SIPA1L1: variants seen among roughly 807,000 people sequenced by gnomAD.
SIPA1L1 encodes the protein signal-induced proliferation-associated 1-like protein 1.
A neutral mutation model predicts 162.7 loss-of-function variants in SIPA1L1; 26 were observed. The ratio of observed to expected loss-of-function variants is 0.16; its 90% CI spans 0.12 to 0.22. SIPA1L1 has a LOEUF of 0.22. Ranked by LOEUF, SIPA1L1 falls within the 10% of genes least tolerant of loss-of-function variation. The probability of loss-of-function intolerance (pLI) is 1.00; values close to 1 mark genes in which losing one functional copy is unlikely to be tolerated. For synonymous variants in SIPA1L1, 829 were observed against 837.4 expected (o/e 0.99, Z 0.17); for missense variants, 1,874 against 2,241.0 (o/e 0.84, Z 3.31).
intron 17 of SIPA1L1, among the ~76,000 whole-genome samples, chr14:71,717,906 A>T (rs1207681328): frequency 1.3e-5 from 2 of 152,222 alleles, no homozygotes; most frequent in Non-Finnish European, 2.9e-5. Context: ...GCTCTGGAAG[A>T]TCTAACACAA....
At chr14:71,596,809 T>C (rs1435172146) in intron 5 of SIPA1L1, among the ~76,000 whole-genome samples, 1 of 152,206 alleles carries the variant, frequency 6.6e-6, no homozygotes, top group Non-Finnish European at 1.5e-5. Context: ...CCTGGACTTA[T>C]CTTCCCTTTT....
chr14:71,577,571 G>A (rs2033261060), intron 4 of SIPA1L1, among the ~76,000 whole-genome samples: 1 of 151,882 alleles, frequency 6.6e-6, no homozygotes, highest in African/African-American at 2.4e-5. Context: ...TAGAGGTGGG[G>A]TTTCACCATG....
rs1595982413 is a variant in SIPA1L1 at position 71,540,641 on chromosome 14, TACAGTG to T, written c.-303+11275_-303+11280del. On this transcript the variant is annotated intron_variant, in intron 4 of 23. Transcript: ENST00000381232. ...TGTCTTTGCTGAATGAGAAAAAGAA[TACAGTG>T]ACAAGGGAAGCAGTTTCACTGCTGA... Among the ~76,000 whole-genome samples, 4 of 152,338 alleles carry T rather than the reference TACAGTG, an allele frequency of 2.6e-5. No individual in the cohort carries two copies. In the East Asian group the frequency reaches 7.7e-4, roughly 29 times the overall value.
chr14:71,668,875 A>T (rs1027689889), intron 10 of SIPA1L1, among the ~76,000 whole-genome samples: 1 of 152,228 alleles, frequency 6.6e-6, no homozygotes, highest in Admixed American at 6.5e-5. Context: ...TAAAAATACC[A>T]AGAACCGTTT....
chr14:71,706,074 T>C (rs1056730436), intron 16 of SIPA1L1, among the ~76,000 whole-genome samples: 1 of 152,152 alleles, frequency 6.6e-6, no homozygotes, highest in African/African-American at 2.4e-5. Flanking sequence ...ACTAGTTCAC[T>C]ATGGAAGATG....
rs373961399 is a variant in SIPA1L1 at position 71,671,478 on chromosome 14, T to G, written c.2615T>G (p.Met872Arg). ...CGGGCTGAAGACTACAACAAGGCCATGGAACTAGACTGCCTTTTAGGGATC... is the reference window on the plus strand; with the variant it reads ...CGGGCTGAAGACTACAACAAGGCCAGGGAACTAGACTGCCTTTTAGGGATC... ...AVRAEDYNKA[M>R]ELDCLLGISN... The change falls in exon 11 of 24, where the codon ATG becomes AGG. Residue 872 changes from methionine (M) to arginine (R), a missense_variant. Transcript: ENST00000381232. The G allele has an allele frequency of 5.0e-6, 8 of 1,614,022 alleles. No homozygotes were observed. In the African/African-American group the frequency reaches 1.1e-4, roughly 22 times the overall value.
intron 17 of SIPA1L1, among the ~76,000 whole-genome samples, chr14:71,717,450 C>CA (rs1216529414): frequency 6.6e-6 from 1 of 152,174 alleles, no homozygotes; most frequent in African/African-American, 2.4e-5. Flanking sequence ...TAACATATTG[C>CA]AGTTATTATT....
intron 8 of SIPA1L1, among the ~76,000 whole-genome samples, chr14:71,657,622 G>A (rs922643617): frequency 1.3e-5 from 2 of 150,988 alleles, no homozygotes; most frequent in African/African-American, 4.9e-5. Flanking sequence ...ATTGTTAGAC[G>A]TTGCTGTGTC....
At position 71,671,128 on chromosome 14, in the gene SIPA1L1, T is replaced by C. The variant is rs769735235; in HGVS notation, c.2265T>C (p.Val755=). The part of the protein sequence containing the change: ...CSDSVCYSVA[V]TRSRDVPSFG... ...GATCTTTGTCTCTCAGTGTGGCTGT[T>C]ACCAGGTCCAGAGATGTGCCTTCCT... The change falls in exon 11 of 24, where the codon GTT becomes GTC. Residue 755 remains valine (V), a synonymous_variant. Coordinates refer to ENST00000381232, the MANE Select transcript of SIPA1L1 (RefSeq NM_001386936.1). 12 of 1,600,374 alleles carry C rather than the reference T, an allele frequency of 7.5e-6. No individual in the cohort carries two copies. Among genetic ancestry groups the C allele is most frequent in the Non-Finnish European group, 8.5e-7 (1 of 1,171,706 alleles).
chr14:71,359,568 TAATA>T (rs1309739853), intron 2 of SIPA1L1, among the ~76,000 whole-genome samples: 1 of 152,180 alleles, frequency 6.6e-6, no homozygotes, highest in Non-Finnish European at 1.5e-5. Flanking sequence ...ACATAGTAGA[TAATA>T]AATGTGTTGA....
intron 2 of SIPA1L1, among the ~76,000 whole-genome samples, chr14:71,446,635 A>C (rs2045363703): frequency 6.6e-6 from 1 of 152,190 alleles, no homozygotes; most frequent in African/African-American, 2.4e-5. Flanking sequence ...CACTTGTTAC[A>C]AATCAGTCTT....
Position 71,588,097 on chromosome 14 carries a change from G to A in SIPA1L1, c.225G>A (p.Gly75=). 1 of 1,614,108 alleles carries A rather than the reference G, an allele frequency of 6.2e-7. No homozygotes were observed. Among genetic ancestry groups the A allele is most frequent in the Non-Finnish European group, 8.5e-7 (1 of 1,179,994 alleles). ...ITSTPGVPKM[G]VRARIADWPP... ...CAACCCCCGGAGTCCCAAAAATGGG[G>A]GTAAGGGCAAGGATTGCAGATTGGC... The change falls in exon 5 of 24, where the codon GGG becomes GGA. Residue 75 remains glycine (G), a synonymous_variant. Coordinates refer to ENST00000381232, the MANE Select transcript of SIPA1L1 (RefSeq NM_001386936.1). The surrounding 1 kb of genome is among the most constrained non-coding windows in gnomAD (Gnocchi z 4.3).
At position 71,674,619 on chromosome 14, in the gene SIPA1L1, C is replaced by A. The variant is rs2044913976; in HGVS notation, c.3104+1997C>A. Reference sequence around the variant, plus strand: ...TCGCTCTGTCGCCCAGGCTGGAGTGCAGTGGCGGGGTCTCGGCTCACTGCA... The same window carrying A: ...TCGCTCTGTCGCCCAGGCTGGAGTGAAGTGGCGGGGTCTCGGCTCACTGCA... On this transcript the variant is annotated intron_variant, in intron 12 of 23. Transcript: ENST00000381232. Among the ~76,000 whole-genome samples the A allele has an allele frequency of 2.0e-5, 3 of 147,708 alleles. No homozygotes were observed. The Admixed American group carries it at 2.0e-4, about 10-fold the overall frequency.
intron 4 of SIPA1L1, among the ~76,000 whole-genome samples, chr14:71,542,441 TCTGCTTCTTCTTCCTGCTGCTGCTG>T: frequency 6.6e-6 from 1 of 150,958 alleles, no homozygotes; most frequent in Non-Finnish European, 1.5e-5. Context: ...TGCTGCTGCT[TCTGCTTCTTCTTCCTGCTGCTGCTG>T]CTGCTTCTGC....
intron 2 of SIPA1L1, among the ~76,000 whole-genome samples, chr14:71,473,603 T>C (rs2047633147): frequency 6.6e-6 from 1 of 152,188 alleles, no homozygotes; most frequent in African/African-American, 2.4e-5. Flanking sequence ...AAAAATCCTA[T>C]ATGTGGAACT....
At chr14:71,687,872 C>G (rs755692860) in intron 13 of SIPA1L1, among the ~76,000 whole-genome samples, 3 of 152,082 alleles carry the variant, frequency 2.0e-5, no homozygotes, top group East Asian at 1.9e-4. Context: ...GTGGGGCTGA[C>G]GAGGTTTTCA....
chr14:71,470,468 T>A (rs1426075068), intron 2 of SIPA1L1, among the ~76,000 whole-genome samples: 2 of 152,198 alleles, frequency 1.3e-5, no homozygotes, highest in African/African-American at 4.8e-5. Flanking sequence ...GCAGAATGAT[T>A]TCTTACAAGC....
At chr14:71,621,165 T>C (rs2039401069) in intron 6 of SIPA1L1, among the ~76,000 whole-genome samples, 1 of 152,212 alleles carries the variant, frequency 6.6e-6, no homozygotes, top group Non-Finnish European at 1.5e-5. Flanking sequence ...GGTCTTGCTC[T>C]GAGAACTGTT....
chr14:71,639,255 A>T (rs1219759511), intron 7 of SIPA1L1, among the ~76,000 whole-genome samples: 1 of 152,144 alleles, frequency 6.6e-6, no homozygotes, highest in Non-Finnish European at 1.5e-5. Context: ...AAAAAATTTT[A>T]AAAATTTAAC....
Sources: gnomAD v4.1 joint callset for allele counts (sites outside exome capture counted in the v4.1 genomes callset) on GRCh38, gnomAD v4.1.1 for gene constraint, Gnocchi (gnomAD v3.1) non-coding constraint, MANE v1.5 for transcripts, NCBI Gene and HGNC (gene_info 2026-07-23, HGNC 2026-07-21) for gene names.